The following KCNH3 variants were observed in gnomAD, a reference collection of about 807,000 sequenced individuals.
The protein encoded by KCNH3 is voltage-gated inwardly rectifying potassium channel KCNH3.
In KCNH3, 36 loss-of-function variants were observed where a neutral mutation model predicts 95.6. That is an observed-to-expected ratio of 0.38 (90% CI 0.29 to 0.50). The LOEUF is 0.50. Among genes scored for constraint, KCNH3 ranks in the 20% least tolerant of loss-of-function variants. KCNH3 has a pLI of 0.95. For missense variants in KCNH3, 1,030 were observed against 1,484.1 expected (o/e 0.69, Z 5.03); for synonymous variants, 620 against 646.3 (o/e 0.96, Z 0.62).
At chr12:49,548,766 T>C in intron 7 of KCNH3, 129 bp from the exon 8 acceptor site, 1 of 912,720 alleles carries the variant, frequency 1.1e-6, no homozygotes, top group Admixed American at 2.8e-5. Flanking sequence ...TGTGCTAGGC[T>C]GGCAGTGAAG....
Position 49,539,825 on chromosome 12 carries a change from A to G in KCNH3, c.76+333A>G, listed in dbSNP as rs2138134512. 6.6e-6 allele frequency among the ~76,000 whole-genome samples: 1 copy of G among 152,256 alleles called. No individual in the cohort carries two copies. Among genetic ancestry groups the G allele is most frequent in the South Asian group, 2.1e-4 (1 of 4,828 alleles). On this transcript the variant is annotated intron_variant, in intron 1 of 14. Coordinates refer to ENST00000257981, the MANE Select transcript of KCNH3 (RefSeq NM_012284.3). The surrounding 1 kb of genome is among the most constrained non-coding windows in gnomAD (Gnocchi z 6.7). ...TGCGTCTGGCGCTGTCGCAGCAACTACCCTCGGACTGGTGGGGTAAGGCGA... is the reference window on the plus strand; with the variant it reads ...TGCGTCTGGCGCTGTCGCAGCAACTGCCCTCGGACTGGTGGGGTAAGGCGA...
intron 7 of KCNH3, among the ~76,000 whole-genome samples, chr12:49,548,095 C>CGTGTGTGTGTGTGT (rs369626063): frequency 4.8e-4 from 71 of 146,712 alleles, no homozygotes; most frequent in Non-Finnish European, 6.7e-4. Flanking sequence ...CCTGTGACTA[C>CGTGTGTGTGTGTGT]GTGTGTGTGT....
chr12:49,550,048 A>ACCCC, intron 9 of KCNH3, 32 bp from the exon 10 acceptor site: 2 of 800,692 alleles, frequency 2.5e-6, no homozygotes, highest in South Asian at 1.5e-5. Context: ...GCCACTCCCA[A>ACCCC]CCCCCCCACC....
At chr12:49,540,067 G>C (rs754123638) in intron 1 of KCNH3, among the ~76,000 whole-genome samples, 1 of 152,182 alleles carries the variant, frequency 6.6e-6, no homozygotes, top group Non-Finnish European at 1.5e-5. Flanking sequence ...TTTGGAGAAG[G>C]CGCCCCGAGC....
intron 10 of KCNH3, 35 bp from the exon 11 acceptor site, chr12:49,554,302 C>G: frequency 1.3e-6 from 2 of 1,567,762 alleles, no homozygotes; most frequent in Non-Finnish European, 1.8e-6. Context: ...GGCTGAAGCT[C>G]TCAGGGCTTG....
In KCNH3 at chr12:49,555,832, G is replaced by C. The variant is rs756941033; in HGVS notation, c.2349G>C (p.Gly783=). 3 of 1,613,174 alleles carry C rather than the reference G, an allele frequency of 1.9e-6. No individual in the cohort carries two copies. Among genetic ancestry groups the C allele is most frequent in the Non-Finnish European group, 2.5e-6 (3 of 1,179,864 alleles). ...TAPRPRLGGR[G]RPGRAGALKA... is the part of the protein sequence containing the mutation. ...CCCGGCCTCGTCTAGGTGGCAGAGG[G>C]AGGCCAGGCAGGGCAGGGGCTTTGA... Residue 783 remains glycine, a synonymous_variant, in exon 12 of 15, where the codon GGG becomes GGC. Coordinates refer to ENST00000257981, the MANE Select transcript of KCNH3 (RefSeq NM_012284.3).
At position 49,557,750 on chromosome 12, in the gene KCNH3, T is replaced by G. The variant is rs1293724912; in HGVS notation, c.3049T>G (p.Ser1017Ala). 1 of 1,612,740 alleles carries G rather than the reference T, an allele frequency of 6.2e-7. No homozygotes were observed. The highest frequency in any genetic ancestry group is 1.3e-5 in the African/African-American group (1 of 74,808). The change falls in exon 15 of 15, where the codon TCC becomes GCC. Residue 1017 changes from serine to alanine, a missense_variant. Physicochemically the swap from Ser to Ala is moderately conservative, Grantham distance 99. This residue lies in a region of KCNH3 where 464 missense variants were observed against 493.2 expected (regional missense o/e 0.94). Coordinates refer to ENST00000257981, the MANE Select transcript of KCNH3 (RefSeq NM_012284.3). ...CTGCTCTGAGCCCAGCACCCCTGCC[T>G]CCCCTCCTCCTTCTGAGGAAGGGGC... ...DLCSEPSTPA[S>A]PPPSEEGART... is the part of the protein sequence containing the mutation.
intron 10 of KCNH3, among the ~76,000 whole-genome samples, chr12:49,553,129 C>T (rs1938319979): frequency 6.9e-6 from 1 of 144,570 alleles, no homozygotes; most frequent in East Asian, 1.9e-4. Context: ...GCGTGCCTAT[C>T]CCTGTTGGAA....
At position 49,550,138 on chromosome 12, in the gene KCNH3, A is replaced by T. The variant is rs1250100652; in HGVS notation, c.1727A>T (p.Glu576Val). ...GACATCGCCATGCACCTGCACAAGG[A>T]GGTCCTGCAGCTGCCACTGTTTGAG... ...RADIAMHLHKEVLQLPLFEAA... is the reference protein window; with the variant it reads ...RADIAMHLHKVVLQLPLFEAA... The change falls in exon 10 of 15, where the codon GAG becomes GTG. Residue 576 changes from glutamate to valine, a missense_variant. Glu to Val is a moderately radical substitution (Grantham distance 121). Around this residue, in one of 9 missense-constraint regions of KCNH3, gnomAD observed 160 missense variants for 316.2 expected, o/e 0.51. Transcript: ENST00000257981. 6.2e-7 allele frequency: 1 copy of T among 1,604,326 alleles called. No individual in the cohort carries two copies. The highest frequency in any genetic ancestry group is 1.7e-5 in the Admixed American group (1 of 59,730).
At chr12:49,544,573 CT>C (rs1285309204) in intron 7 of KCNH3, among the ~76,000 whole-genome samples, 191 bp downstream of exon 7, 1 of 152,212 alleles carries the variant, frequency 6.6e-6, no homozygotes, top group Non-Finnish European at 1.5e-5. Flanking sequence ...GCAGCTGGGC[CT>C]TGTGGAGAAA....
At chr12:49,540,577 T>A (rs1937837084) in intron 1 of KCNH3, among the ~76,000 whole-genome samples, 1 of 151,972 alleles carries the variant, frequency 6.6e-6, no homozygotes, top group African/African-American at 2.4e-5. Flanking sequence ...GGCAGGGCAG[T>A]CCTCATTAGG....
chr12:49,556,815 G>A (rs1938473335), intron 13 of KCNH3: 5 of 644,868 alleles, frequency 7.8e-6, no homozygotes, highest in East Asian at 3.1e-5. Flanking sequence ...CCAATCTCTG[G>A]CTAACTGAAG....
At position 49,544,235 on chromosome 12, in the gene KCNH3, C is replaced by T; in HGVS notation, c.1042C>T (p.Arg348Trp). ...GCTGCGCCTGCTGCGCCTGCTTCCG[C>T]GGCTGGACCGGTACTCGCAGTACAG... ...RLLRLLRLLP[R>W]LDRYSQYSAV... Residue 348 changes from arginine to tryptophan, a missense_variant, in exon 7 of 15, where the codon CGG (arginine) becomes TGG (tryptophan). Physicochemically the swap from Arg to Trp is moderately radical, Grantham distance 101 (BLOSUM62 -3). Transcript: ENST00000257981. The T allele has an allele frequency of 6.3e-7, 1 of 1,597,498 alleles. No homozygotes were observed. Among genetic ancestry groups the T allele is most frequent in the Non-Finnish European group, 8.5e-7 (1 of 1,174,856 alleles).
At chr12:49,555,467 G>GT (rs1938406406) in intron 11 of KCNH3, among the ~76,000 whole-genome samples, 153 bp from the exon 12 acceptor site, 1 of 150,422 alleles carries the variant, frequency 6.6e-6, no homozygotes, top group African/African-American at 2.5e-5. Flanking sequence ...AAAAAAGATA[G>GT]TATCATCTAT....
intron 7 of KCNH3, among the ~76,000 whole-genome samples, chr12:49,544,849 T>A (rs952906757): frequency 1.3e-5 from 2 of 152,092 alleles, no homozygotes; most frequent in African/African-American, 4.8e-5. Context: ...CCCCGCTGCA[T>A]CCTGCTCTCC....
intron 7 of KCNH3, among the ~76,000 whole-genome samples, chr12:49,545,331 C>T (rs1200160103): frequency 6.6e-6 from 1 of 152,024 alleles, no homozygotes; most frequent in African/African-American, 2.4e-5. Context: ...CTGACCTCTT[C>T]CTCCCCAGCC....
Position 49,539,522 on chromosome 12 carries a change from G to C in KCNH3, c.76+30G>C, listed in dbSNP as rs1284289650. 5 of 1,570,190 alleles carry C rather than the reference G, an allele frequency of 3.2e-6. No homozygotes were observed. Among genetic ancestry groups the C allele is most frequent in the African/African-American group, 2.8e-5 (2 of 71,828 alleles). ...GTCCGACCCTCGCCCACTTGCACCC[G>C]GGCCGCCGGACCCTCGCCAGGGCTC... On this transcript the variant is annotated intron_variant, in intron 1 of 14. Transcript: ENST00000257981. This position sits in a 1 kb window ranked among gnomAD's most constrained non-coding sequence, Gnocchi z 6.7.
Position 49,557,947 on chromosome 12 carries a change from G to A in KCNH3, c.3246G>A (p.Gly1082=), listed in dbSNP as rs759460023. ...TVQWTQEEGT[G]V ...AGTGGACCCAGGAAGAAGGCACAGG[G>A]GTCTGAGTACCAGCCCTAGAACTCA... Residue 1082 remains glycine, a synonymous_variant, in exon 15 of 15, where the codon GGG becomes GGA. Transcript: ENST00000257981. 4.7e-5 allele frequency: 70 copies of A among 1,503,188 alleles called. No homozygotes were observed. The Middle Eastern group carries it at 6.7e-4, about 14-fold the overall frequency. 93.1% of individuals were successfully genotyped at this position (1,503,188 alleles called of 1,614,324 possible). A position where few individuals can be genotyped will look rare whatever the true frequency, so the allele number is the denominator to read the frequency against.
Position 49,549,545 on chromosome 12 carries a change from A to G in KCNH3, c.1573A>G (p.Ile525Val). ...HSRTRDLRDY[I>V]RIHRIPKPLK... is the part of the protein sequence containing the mutation. ...CCGCACGCGCGACCTGCGCGACTAC[A>G]TCCGCATCCACCGTATCCCCAAGCC... Residue 525 changes from isoleucine (I) to valine (V), a missense_variant, in exon 9 of 15, where the codon ATC becomes GTC. Around this residue, in one of 9 missense-constraint regions of KCNH3, gnomAD observed 160 missense variants for 316.2 expected, o/e 0.51. Coordinates refer to ENST00000257981, the MANE Select transcript of KCNH3 (RefSeq NM_012284.3). The G allele has an allele frequency of 6.2e-7, 1 of 1,613,506 alleles. No individual in the cohort carries two copies.
Sources: gnomAD v4.1 joint callset for allele counts (sites outside exome capture counted in the v4.1 genomes callset) on GRCh38, gnomAD v4.1.1 for gene constraint, gnomAD v4.1.1 regional missense constraint, Gnocchi (gnomAD v3.1) non-coding constraint, MANE v1.5 for transcripts, NCBI Gene and HGNC (gene_info 2026-07-23, HGNC 2026-07-21) for gene names.